The following ALPK2 variants were observed in gnomAD, a reference collection of about 807,000 sequenced individuals.
ALPK2 encodes the protein alpha kinase 2.
In ALPK2, 127 loss-of-function variants were observed where a neutral mutation model predicts 163.1. The ratio of observed to expected loss-of-function variants is 0.78; its 90% CI spans 0.67 to 0.90. The LOEUF (loss-of-function observed/expected upper bound fraction) is 0.90, where lower values mean the gene tolerates loss of function less well. Among genes scored for constraint, ALPK2 ranks in the 40% least tolerant of loss-of-function variants. The pLI is 0.00. For missense variants in ALPK2, 2,360 were observed against 2,589.6 expected (o/e 0.91, Z 1.92); for synonymous variants, 953 against 959.1 (o/e 0.99, Z 0.12).
At chr18:58,608,902 T>TAATCATA (rs2144229124) in intron 2 of ALPK2, among the ~76,000 whole-genome samples, 1 of 149,680 alleles carries the variant, frequency 6.7e-6, no homozygotes, top group East Asian at 2.0e-4. Flanking sequence ...CAGTGAGCTG[T>TAATCATA]AATCATGATT....
chr18:58,613,563 C>T lies in ALPK2; in HGVS notation c.-20-1746G>A, dbSNP rs575955027. Among the ~76,000 whole-genome samples, 7 of 151,914 alleles carry T rather than the reference C, an allele frequency of 4.6e-5. No homozygotes were observed. The South Asian group carries it at 1.0e-3, about 23-fold the overall frequency. On this transcript the variant is annotated intron_variant, in intron 1 of 12. Coordinates refer to ENST00000361673, the MANE Select transcript of ALPK2 (RefSeq NM_052947.4). ...CAAAAATTAGCTGGGCATGGTGACT[C>T]GTTCCTGTAATCCCAGCTACTCAGG...
intron 4 of ALPK2, among the ~76,000 whole-genome samples, chr18:58,549,025 T>G (rs1321703692): frequency 6.6e-6 from 1 of 152,240 alleles, no homozygotes; most frequent in East Asian, 1.9e-4. Context: ...TAGCTTCTAC[T>G]AAACTAAATC....
intron 8 of ALPK2, among the ~76,000 whole-genome samples, chr18:58,519,711 A>G (rs546849805): frequency 6.6e-6 from 1 of 152,354 alleles, no homozygotes; most frequent in African/African-American, 2.4e-5. Flanking sequence ...GCAGAGCAAG[A>G]GCTGGAGTTC....
intron 4 of ALPK2, among the ~76,000 whole-genome samples, chr18:58,562,677 C>T (rs542606465): frequency 4.6e-5 from 7 of 152,334 alleles, no homozygotes; most frequent in Admixed American, 6.5e-5. Context: ...TCAGCTCAGG[C>T]TGCTATCACA....
At chr18:58,525,555 G>A (rs557086362) in intron 6 of ALPK2, among the ~76,000 whole-genome samples, 18 of 152,288 alleles carry the variant, frequency 1.2e-4, no homozygotes, top group African/African-American at 2.9e-4. Flanking sequence ...CACGAAGACC[G>A]TTTTTCCTGG....
rs1403191064 is a variant in ALPK2 at position 58,481,539 on chromosome 18, T to C, written c.*284A>G. 2.3e-6 allele frequency: 1 copy of C among 430,356 alleles called. No homozygotes were observed. The highest frequency in any genetic ancestry group is 4.3e-6 in the Non-Finnish European group (1 of 233,930). The allele number at this position is 430,356 out of a possible 1,614,324, so 26.7% of individuals were successfully genotyped here. ...TGCAAATACACAAATATACACATGA[T>C]GTGAGGTTGGTAAAAATGCTAAACA... On this transcript the variant is annotated 3_prime_UTR_variant, in exon 13 of 13. Coordinates refer to ENST00000361673, the MANE Select transcript of ALPK2 (RefSeq NM_052947.4).
Position 58,573,336 on chromosome 18 carries a change from G to A in ALPK2, c.1962+5478C>T, listed in dbSNP as rs35490172. On this transcript the variant is annotated intron_variant, in intron 4 of 12. Coordinates refer to ENST00000361673, the MANE Select transcript of ALPK2 (RefSeq NM_052947.4). ...TATGTGTGTATATATGTATATATGT[G>A]TATATATATGTATATATATATGTGT... 5.2e-3 allele frequency among the ~76,000 whole-genome samples: 563 copies of A among 108,450 alleles called. 4 individuals are homozygous for A. The highest frequency in any genetic ancestry group is 0.016 in the African/African-American group (503 of 31,494). The allele number at this position is 108,450 out of a possible 152,430, so 71.1% of individuals were successfully genotyped here.
At chr18:58,505,519 CT>C (rs1220053515) in intron 10 of ALPK2, among the ~76,000 whole-genome samples, 3 of 152,160 alleles carry the variant, frequency 2.0e-5, no homozygotes, top group African/African-American at 2.4e-5. Flanking sequence ...GTCCCCGCCC[CT>C]CTCAAGTCCT....
At chr18:58,506,156 ACT>A (rs1348118910) in intron 10 of ALPK2, among the ~76,000 whole-genome samples, 5 of 151,688 alleles carry the variant, frequency 3.3e-5, no homozygotes, top group African/African-American at 1.2e-4. Context: ...CTCAAATTTA[ACT>A]CTGCATTGGG....
intron 4 of ALPK2, among the ~76,000 whole-genome samples, chr18:58,563,104 T>C (rs1469180891): frequency 6.6e-6 from 1 of 152,234 alleles, no homozygotes; most frequent in Non-Finnish European, 1.5e-5. Context: ...TCTTACCATA[T>C]ATGGTCCTAG....
chr18:58,615,007 G>C (rs1434145191), intron 1 of ALPK2, among the ~76,000 whole-genome samples: 1 of 150,382 alleles, frequency 6.6e-6, no homozygotes, highest in African/African-American at 2.5e-5. Flanking sequence ...TAGGGACAGG[G>C]TCTCACTACA....
At chr18:58,508,606 T>G (rs1280579085) in intron 10 of ALPK2, among the ~76,000 whole-genome samples, 1 of 152,190 alleles carries the variant, frequency 6.6e-6, no homozygotes, top group African/African-American at 2.4e-5. Context: ...CCATAACAGT[T>G]TACAAATGCC....
rs757081254 is a variant in ALPK2 at position 58,535,155 on chromosome 18, G to A, written c.5032C>T (p.Leu1678=). ...LLQDPCQKGT[L]GCAKKSRERE... is the part of the protein sequence containing the mutation. ...TCCCTGGACTTTTTCGCACAGCCCAGGGTGCCCTTTTGACATGGATCCTGC... is the reference window on the plus strand; with the variant it reads ...TCCCTGGACTTTTTCGCACAGCCCAAGGTGCCCTTTTGACATGGATCCTGC... Residue 1678 remains leucine, a synonymous_variant, in exon 5 of 13, where the codon CTG becomes TTG. Transcript: ENST00000361673. 6.2e-7 allele frequency: 1 copy of A among 1,614,072 alleles called. No homozygotes were observed.
chr18:58,504,873 C>T (rs1351537636), intron 10 of ALPK2, among the ~76,000 whole-genome samples: 1 of 151,950 alleles, frequency 6.6e-6, no homozygotes, highest in Non-Finnish European at 1.5e-5. Flanking sequence ...ATGAGGACAT[C>T]GACGGTAGAG....
chr18:58,514,913 A>C (rs59425126), intron 10 of ALPK2, 80 bp downstream of exon 10: 49 of 1,077,154 alleles, frequency 4.5e-5, no homozygotes, highest in Non-Finnish European at 5.8e-5. Context: ...CACTTGCCCT[A>C]CTGTTCCTTC....
chr18:58,492,329 C>T (rs1698465138), intron 12 of ALPK2, among the ~76,000 whole-genome samples: 1 of 152,166 alleles, frequency 6.6e-6, no homozygotes, highest in Admixed American at 6.5e-5. Context: ...CCTTTTCTGG[C>T]TACCTTCTAG....
intron 4 of ALPK2, among the ~76,000 whole-genome samples, chr18:58,571,427 G>GAAAAAA (rs77059313): frequency 9.2e-6 from 1 of 108,730 alleles, no homozygotes; most frequent in Admixed American, 9.4e-5. Flanking sequence ...ACATCCACAG[G>GAAAAAA]AAAAAAAAAA....
chr18:58,483,652 G>A (rs1356530274), intron 12 of ALPK2, among the ~76,000 whole-genome samples: 1 of 151,742 alleles, frequency 6.6e-6, no homozygotes, highest in Non-Finnish European at 1.5e-5. Context: ...CTGGGTTCAA[G>A]TGATTCTCCT....
intron 10 of ALPK2, among the ~76,000 whole-genome samples, chr18:58,504,548 T>A (rs1322822678): frequency 6.6e-6 from 1 of 152,222 alleles, no homozygotes; most frequent in Non-Finnish European, 1.5e-5. Flanking sequence ...CCATTGATCC[T>A]TCTTTCCTCT....
Sources: gnomAD v4.1 joint callset for allele counts (sites outside exome capture counted in the v4.1 genomes callset) on GRCh38, gnomAD v4.1.1 for gene constraint, MANE v1.5 for transcripts, NCBI Gene and HGNC (gene_info 2026-07-23, HGNC 2026-07-21) for gene names.